Variants in SERPINI1 observed in about 807,000 individuals in gnomAD.
SERPINI1 encodes serpin family I member 1, also known as neuroserpin.
A neutral mutation model predicts 41.1 loss-of-function variants in SERPINI1; 19 were observed. The ratio of observed to expected loss-of-function variants is 0.46; its 90% CI spans 0.32 to 0.68. The LOEUF (loss-of-function observed/expected upper bound fraction) is 0.68, where lower values mean the gene tolerates loss of function less well. Ranked by LOEUF, SERPINI1 falls within the 30% of genes least tolerant of loss-of-function variation. SERPINI1 has a pLI of 0.03. For missense variants in SERPINI1, 460 were observed against 479.2 expected (o/e 0.96, Z 0.37); for synonymous variants, 138 against 156.6 (o/e 0.88, Z 0.89).
intron 1 of SERPINI1, among the ~76,000 whole-genome samples, chr3:167,768,870 T>C (rs1266344418): frequency 1.3e-5 from 2 of 151,998 alleles, no homozygotes; most frequent in Non-Finnish European, 2.9e-5. Flanking sequence ...ACTTTAAGGG[T>C]TTATTTGAGG....
At chr3:167,746,166 G>GTGCTGAGACAGTTTAATGGGGAAGGATA in intron 1 of SERPINI1, among the ~76,000 whole-genome samples, 1 of 152,260 alleles carries the variant, frequency 6.6e-6, no homozygotes, top group South Asian at 2.1e-4. Flanking sequence ...TTTCAACAGG[G>GTGCTGAGACAGTTTAATGGGGAAGGATA]TGCTGAGACA....
intron 1 of SERPINI1, among the ~76,000 whole-genome samples, chr3:167,782,986 G>A (rs1174511153): frequency 1.3e-5 from 2 of 152,178 alleles, no homozygotes; most frequent in African/African-American, 2.4e-5. Flanking sequence ...GCTGTGTTAT[G>A]TTCAGGACTA....
chr3:167,793,598 T>A (rs1048633288), intron 4 of SERPINI1, among the ~76,000 whole-genome samples: 15 of 118,034 alleles, frequency 1.3e-4, no homozygotes, highest in African/African-American at 2.4e-4. Context: ...ATATATATAT[T>A]TTTAATTAGC....
intron 1 of SERPINI1, among the ~76,000 whole-genome samples, chr3:167,736,510 T>C (rs969145915): frequency 2.6e-5 from 4 of 152,196 alleles, no homozygotes; most frequent in African/African-American, 4.8e-5. Context: ...TGGAAACATA[T>C]GGTGTACCTC....
intron 1 of SERPINI1, among the ~76,000 whole-genome samples, chr3:167,784,089 C>T (rs1727227479): frequency 6.6e-6 from 1 of 152,076 alleles, no homozygotes; most frequent in Admixed American, 6.6e-5. Context: ...CCCATTTTCC[C>T]CAGTAAGAAA....
intron 1 of SERPINI1, among the ~76,000 whole-genome samples, chr3:167,754,431 T>TC (rs1726135398): frequency 2.0e-5 from 3 of 152,250 alleles, no homozygotes; most frequent in Admixed American, 1.3e-4. Flanking sequence ...ACTTTAAGTG[T>TC]CCTACTTCTG....
intron 1 of SERPINI1, among the ~76,000 whole-genome samples, chr3:167,782,577 A>G (rs186429026): frequency 2.6e-5 from 4 of 152,320 alleles, no homozygotes; most frequent in Admixed American, 2.6e-4. Flanking sequence ...CTTAAGACAT[A>G]CAAAGATGAA....
chr3:167,767,159 G>T (rs1726592397), intron 1 of SERPINI1, among the ~76,000 whole-genome samples: 1 of 152,226 alleles, frequency 6.6e-6, no homozygotes, highest in African/African-American at 2.4e-5. Context: ...GTGATTTTAA[G>T]TTGGAGCCAA....
At chr3:167,773,700 T>C (rs997662693) in intron 1 of SERPINI1, among the ~76,000 whole-genome samples, 1 of 152,214 alleles carries the variant, frequency 6.6e-6, no homozygotes, top group Non-Finnish European at 1.5e-5. Flanking sequence ...ACAATGTGTG[T>C]GGCAGGTTTA....
chr3:167,790,118 C>T (rs1727449663), intron 2 of SERPINI1, among the ~76,000 whole-genome samples: 1 of 152,042 alleles, frequency 6.6e-6, no homozygotes, highest in African/African-American at 2.4e-5. Flanking sequence ...AGAAAACAGT[C>T]TCTATAGATT....
chr3:167,773,777 T>A (rs1202097899), intron 1 of SERPINI1, among the ~76,000 whole-genome samples: 1 of 152,158 alleles, frequency 6.6e-6, no homozygotes, highest in East Asian at 1.9e-4. Context: ...GTCAGGGAAA[T>A]TTTTTTAAGT....
intron 6 of SERPINI1, among the ~76,000 whole-genome samples, chr3:167,820,893 A>G (rs1038740673): frequency 5.9e-5 from 9 of 152,292 alleles, no homozygotes; most frequent in African/African-American, 1.9e-4. Context: ...GTGGCCACCC[A>G]TGGATCAATC....
chr3:167,824,238 ATTGTTTGT>A (rs3838603), intron 7 of SERPINI1, among the ~76,000 whole-genome samples: 2 of 151,938 alleles, frequency 1.3e-5, no homozygotes, highest in Non-Finnish European at 2.9e-5. Flanking sequence ...GAAGGAAGAA[ATTGTTTGT>A]TTGTTTTGTT....
At chr3:167,770,144 A>C (rs1490551369) in intron 1 of SERPINI1, among the ~76,000 whole-genome samples, 1 of 151,660 alleles carries the variant, frequency 6.6e-6, no homozygotes, top group Non-Finnish European at 1.5e-5. Flanking sequence ...GTATGTGCCT[A>C]TATGGAAAAG....
At position 167,825,180 on chromosome 3, in the gene SERPINI1, A is replaced by G. The variant is rs113218560; in HGVS notation, c.1157-67A>G. 17 of 1,002,818 alleles carry G rather than the reference A, an allele frequency of 1.7e-5. No individual in the cohort carries two copies. The African/African-American group carries it at 2.4e-4, about 14-fold the overall frequency. The allele number at this position is 1,002,818 out of a possible 1,614,324, so 62.1% of individuals were successfully genotyped here. A position where few individuals can be genotyped will look rare whatever the true frequency, so the allele number is the denominator to read the frequency against. Reference sequence around the variant, plus strand: ...TAACATATTTTCATTAATTGTAAGCAAGAAGGAAGATAAATATTTTATTAT... The same window carrying G: ...TAACATATTTTCATTAATTGTAAGCGAGAAGGAAGATAAATATTTTATTAT... On this transcript the variant is annotated intron_variant, in intron 8 of 8. Coordinates refer to ENST00000446050, the MANE Select transcript of SERPINI1 (RefSeq NM_001122752.2).
At chr3:167,774,627 G>C (rs759128418) in intron 1 of SERPINI1, among the ~76,000 whole-genome samples, 9 of 152,148 alleles carry the variant, frequency 5.9e-5, no homozygotes, top group Non-Finnish European at 4.4e-5. Flanking sequence ...TCCACCTCCT[G>C]TCAGACCAGC....
chr3:167,755,848 T>C, intron 1 of SERPINI1, among the ~76,000 whole-genome samples: 1 of 147,372 alleles, frequency 6.8e-6, no homozygotes, highest in Non-Finnish European at 1.5e-5. Context: ...CCCAGCTGCA[T>C]GACGGATGAA....
At chr3:167,760,036 G>C (rs1222699129) in intron 1 of SERPINI1, among the ~76,000 whole-genome samples, 1 of 152,024 alleles carries the variant, frequency 6.6e-6, no homozygotes, top group Non-Finnish European at 1.5e-5. Context: ...CATGTGGTTG[G>C]ATACTTTAAG....
intron 4 of SERPINI1, among the ~76,000 whole-genome samples, chr3:167,794,240 G>A (rs922845968): frequency 1.1e-4 from 17 of 152,066 alleles, no homozygotes; most frequent in Non-Finnish European, 2.2e-4. Context: ...TATTATAAAT[G>A]TGAAATAATT....
Sources: gnomAD v4.1 joint callset for allele counts (sites outside exome capture counted in the v4.1 genomes callset) on GRCh38, gnomAD v4.1.1 for gene constraint, MANE v1.5 for transcripts, NCBI Gene and HGNC (gene_info 2026-07-23, HGNC 2026-07-21) for gene names.